Variants in MRPL42 observed in about 807,000 individuals in gnomAD.
MRPL42 encodes large ribosomal subunit protein mL42.
In MRPL42, 17 loss-of-function variants were observed where a neutral mutation model predicts 17.9. The observed-to-expected ratio is 0.95, with a 90% CI of 0.65 to 1.42. The LOEUF (loss-of-function observed/expected upper bound fraction) is 1.42, where lower values mean the gene tolerates loss of function less well. MRPL42 is among the 40% of genes most tolerant of loss of function. The pLI, the probability that MRPL42 is intolerant of heterozygous loss-of-function variation, is 0.00. For synonymous variants in MRPL42, 59 were observed against 54.4 expected (o/e 1.08, Z -0.37); for missense variants, 177 against 175.2 (o/e 1.01, Z -0.06).
At chr12:93,496,643 TAAAAAAAAAAAA>T (rs35375116) in intron 5 of MRPL42, among the ~76,000 whole-genome samples, 1 of 70,716 alleles carries the variant, frequency 1.4e-5, no homozygotes, top group Non-Finnish European at 2.5e-5. Flanking sequence ...TCAGATTAGG[TAAAAAAAAAAAA>T]AAAAAAAAAA....
intron 5 of MRPL42, among the ~76,000 whole-genome samples, chr12:93,499,702 C>T (rs1366589360): frequency 6.6e-6 from 1 of 152,104 alleles, no homozygotes; most frequent in African/African-American, 2.4e-5. Context: ...TGACAGCTTA[C>T]TGTTCCATGT....
chr12:93,489,533 T>TTTTATTTATTTA (rs1374187600), intron 5 of MRPL42, among the ~76,000 whole-genome samples: 1 of 151,988 alleles, frequency 6.6e-6, no homozygotes. Flanking sequence ...TCTTATTTTA[T>TTTTATTTATTTA]TTTATTTATT....
At position 93,485,027 on chromosome 12, in the gene MRPL42, T is replaced by A. The variant is rs1305861075; in HGVS notation, c.220-2470T>A. ...ATATATATATATATATATATATATATAAACAGAGATGGGGGGTCTTACCAT... is the reference window on the plus strand; with the variant it reads ...ATATATATATATATATATATATATAAAAACAGAGATGGGGGGTCTTACCAT... On this transcript the variant is annotated intron_variant, in intron 4 of 5. Transcript: ENST00000549982. 1.2e-4 allele frequency among the ~76,000 whole-genome samples: 11 copies of A among 92,120 alleles called. 1 individual carries two copies. The highest frequency in any genetic ancestry group is 2.0e-4 in the Non-Finnish European group (8 of 40,824). The allele number at this position is 92,120 out of a possible 152,430, so 60.4% of individuals were successfully genotyped here.
intron 3 of MRPL42, among the ~76,000 whole-genome samples, chr12:93,477,249 G>A (rs1243323205): frequency 6.6e-6 from 1 of 152,184 alleles, no homozygotes; most frequent in East Asian, 1.9e-4. Context: ...TTATAAGACA[G>A]ACATGCTGTT....
At chr12:93,491,269 G>A (rs4761726) in intron 5 of MRPL42, among the ~76,000 whole-genome samples, 101,834 of 152,106 alleles carry the variant, frequency 0.67, 34,362 homozygotes, top group Middle Eastern at 0.72. Flanking sequence ...CTCTATTTCT[G>A]TGTTCTCCAT....
At chr12:93,480,401 A>G (rs1160900818) in intron 4 of MRPL42, among the ~76,000 whole-genome samples, 1 of 152,036 alleles carries the variant, frequency 6.6e-6, no homozygotes, top group Non-Finnish European at 1.5e-5. Flanking sequence ...GATTACAGGC[A>G]TGAGCCACCG....
intron 4 of MRPL42, among the ~76,000 whole-genome samples, chr12:93,484,816 A>G (rs2121217143): frequency 6.7e-6 from 1 of 149,748 alleles, no homozygotes; most frequent in East Asian, 2.0e-4. Flanking sequence ...CAGGCTGGTC[A>G]TGAACTCTTG....
At chr12:93,483,003 T>A (rs1880537539) in intron 4 of MRPL42, among the ~76,000 whole-genome samples, 1 of 152,180 alleles carries the variant, frequency 6.6e-6, no homozygotes, top group African/African-American at 2.4e-5. Flanking sequence ...CAAGCGATTC[T>A]TATGCCTCAG....
At chr12:93,470,359 C>T (rs1592763594) in intron 2 of MRPL42, 1 of 823,364 alleles carries the variant, frequency 1.2e-6, no homozygotes, top group Non-Finnish European at 1.6e-6. Context: ...GAGTTTATAG[C>T]TCTTATAAAC....
chr12:93,480,107 T>C (rs578075542), intron 4 of MRPL42, among the ~76,000 whole-genome samples: 2 of 152,240 alleles, frequency 1.3e-5, no homozygotes, highest in African/African-American at 2.4e-5. Flanking sequence ...TAAGCCTCCT[T>C]CTACTAGGTA....
rs1426866243 is a variant in MRPL42, at chr12:93,487,485, A to T, written c.220-12A>T. 2 of 1,603,108 alleles carry T rather than the reference A, an allele frequency of 1.2e-6. No homozygotes were observed. The highest frequency in any genetic ancestry group is 2.7e-5 in the African/African-American group (2 of 74,394). On this transcript the variant is annotated splice_polypyrimidine_tract_variant and intron_variant, in intron 4 of 5. Transcript: ENST00000549982. ...CACATCTTCATGATGTTTGTTACTG[A>T]TTATTTTGTAGCCTATCCCTCGGCC...
At chr12:93,491,391 G>A (rs1953410408) in intron 5 of MRPL42, among the ~76,000 whole-genome samples, 1 of 152,038 alleles carries the variant, frequency 6.6e-6, no homozygotes, top group South Asian at 2.1e-4. Context: ...TTTGGGTTTT[G>A]GTTTTTGTTT....
chr12:93,478,717 G>A (rs546014884), intron 3 of MRPL42, among the ~76,000 whole-genome samples: 2 of 152,258 alleles, frequency 1.3e-5, no homozygotes, highest in South Asian at 2.1e-4. Context: ...TTGTAGCCAT[G>A]TTATGGTATT....
chr12:93,479,438 ACCCTT>A lies in MRPL42; in HGVS notation c.187_191del (p.Pro63CysfsTer6). 6.2e-7 allele frequency: 1 copy of A among 1,611,596 alleles called. No homozygotes were observed. Among genetic ancestry groups the A allele is most frequent in the Non-Finnish European group, 8.5e-7 (1 of 1,178,738 alleles). The stretch of plus-strand genomic sequence containing the variant: ...GATGGCAGGACAATAGTATGCTACC[ACCCTT>A]CTGTGGACATTCCATATGAACACAC... On this transcript the variant is annotated frameshift_variant, in exon 4 of 6. Transcript: ENST00000549982. LOFTEE classifies it high-confidence loss of function.
intron 4 of MRPL42, 119 bp downstream of exon 4, chr12:93,479,591 CT>C: frequency 2.0e-6 from 1 of 492,846 alleles, no homozygotes; most frequent in Non-Finnish European, 3.3e-6. Flanking sequence ...TTTCTTTTGG[CT>C]TTTTAATTTT....
intron 4 of MRPL42, among the ~76,000 whole-genome samples, chr12:93,480,602 C>T (rs1406097771): frequency 6.7e-6 from 1 of 149,656 alleles, no homozygotes; most frequent in Non-Finnish European, 1.5e-5. Flanking sequence ...AGTGCAATGG[C>T]GCGATCTCGG....
intron 2 of MRPL42, among the ~76,000 whole-genome samples, chr12:93,471,481 G>A (rs1879907539): frequency 6.6e-6 from 1 of 151,890 alleles, no homozygotes; most frequent in South Asian, 2.1e-4. Flanking sequence ...TGTATTTTTA[G>A]CAGGGGAGGG....
intron 2 of MRPL42, among the ~76,000 whole-genome samples, chr12:93,471,689 A>C (rs1169512004): frequency 6.6e-6 from 1 of 152,206 alleles, no homozygotes; most frequent in Non-Finnish European, 1.5e-5. Context: ...ACATAGAAAC[A>C]TTTATTACAT....
intron 4 of MRPL42, among the ~76,000 whole-genome samples, chr12:93,485,184 A>C (rs1395615562): frequency 7.8e-6 from 1 of 128,752 alleles, no homozygotes; most frequent in Admixed American, 8.3e-5. Context: ...TTTAATTGAC[A>C]CAGGGTCTGT....
Sources: allele counts gnomAD v4.1 joint callset (sites outside exome capture counted in the v4.1 genomes callset), GRCh38; gene constraint gnomAD v4.1.1; transcripts MANE v1.5; gene names NCBI Gene and HGNC (gene_info 2026-07-23, HGNC 2026-07-21).